Variants in MYO5B observed in about 807,000 individuals in gnomAD.
MYO5B encodes the protein myosin VB.
MYO5B carries 143 observed loss-of-function variants against 229.3 expected under a neutral mutation model. The observed-to-expected ratio is 0.62, with a 90% confidence interval of 0.54 to 0.72. The LOEUF (loss-of-function observed/expected upper bound fraction) is 0.72. Among genes scored for constraint, MYO5B ranks in the 30% least tolerant of loss-of-function variants. The probability of loss-of-function intolerance (pLI) is 0.00; values close to 1 mark genes in which losing one functional copy is unlikely to be tolerated. For missense variants in MYO5B, 2,321 were observed against 2,331.0 expected (o/e 1.00, Z 0.09); for synonymous variants, 918 against 885.2 (o/e 1.04, Z -0.66).
chr18:49,994,790 T>C (rs10853589), intron 5 of MYO5B, among the ~76,000 whole-genome samples: 142,251 of 152,300 alleles, frequency 0.93, 66,464 homozygotes, highest in East Asian at 0.99. Flanking sequence ...CCCCACAGGA[T>C]GATGGCAGAC....
chr18:49,954,242 G>T, intron 13 of MYO5B, 71 bp downstream of exon 13: 1 of 1,595,074 alleles, frequency 6.3e-7, no homozygotes, highest in South Asian at 1.1e-5. Context: ...TTTCTCTCTA[G>T]GTCTAGAGCC....
At chr18:50,117,275 T>A (rs1419977994) in intron 1 of MYO5B, among the ~76,000 whole-genome samples, 18 of 147,992 alleles carry the variant, frequency 1.2e-4, no homozygotes, top group South Asian at 2.1e-4. Context: ...AATTCTCATT[T>A]AAAAAAAAAA....
intron 5 of MYO5B, 66 bp from the exon 6 acceptor site, chr18:49,992,497 G>A: frequency 6.2e-7 from 1 of 1,608,390 alleles, no homozygotes; most frequent in Non-Finnish European, 8.5e-7. Flanking sequence ...AGGATTGTAT[G>A]TTTGTGGCAG....
intron 1 of MYO5B, among the ~76,000 whole-genome samples, chr18:50,128,853 G>T (rs75359510): frequency 0.043 from 6,575 of 152,304 alleles, 170 homozygotes; most frequent in Non-Finnish European, 0.06. Flanking sequence ...TGAGAAGGGG[G>T]AAACCACCTT....
intron 1 of MYO5B, among the ~76,000 whole-genome samples, chr18:50,191,741 CAG>C (rs972398562): frequency 6.6e-6 from 1 of 152,128 alleles, no homozygotes; most frequent in African/African-American, 2.4e-5. Flanking sequence ...ACATGGATTT[CAG>C]AGTTTTCTGC....
intron 14 of MYO5B, among the ~76,000 whole-genome samples, chr18:49,952,949 T>G (rs2025445296): frequency 6.6e-6 from 1 of 151,960 alleles, no homozygotes. Flanking sequence ...CGTCCTCTCT[T>G]CCTGTCACCT....
chr18:49,906,311 G>T, intron 19 of MYO5B, 108 bp downstream of exon 19: 1 of 1,141,714 alleles, frequency 8.8e-7, no homozygotes, highest in Non-Finnish European at 1.3e-6. Context: ...GGCCCCAACA[G>T]GAACCACTCT....
rs922988104 is a variant in MYO5B, at chr18:50,195,032, G to A, written c.-239C>T. On this transcript the variant is annotated 5_prime_UTR_variant, in exon 1 of 40. Transcript: ENST00000285039. ...GGCCGGACAGGAGTTGCGAGCGCCGGGGGAGGAGGCCGCGCCGCACCACTC... is the reference window on the plus strand; with the variant it reads ...GGCCGGACAGGAGTTGCGAGCGCCGAGGGAGGAGGCCGCGCCGCACCACTC... 24 of 407,442 alleles carry A rather than the reference G, an allele frequency of 5.9e-5. No homozygotes were observed. Among genetic ancestry groups the A allele is most frequent in the Non-Finnish European group, 8.8e-5 (22 of 248,894 alleles). 25.2% of individuals were successfully genotyped at this position (407,442 alleles called of 1,614,324 possible).
At chr18:50,148,260 G>C (rs1302986036) in intron 1 of MYO5B, among the ~76,000 whole-genome samples, 1 of 149,640 alleles carries the variant, frequency 6.7e-6, no homozygotes, top group African/African-American at 2.5e-5. Flanking sequence ...GAGGTACAAG[G>C]AGGAACTGGT....
At chr18:49,948,286 T>C (rs555843239) in intron 14 of MYO5B, among the ~76,000 whole-genome samples, 323 of 152,370 alleles carry the variant, frequency 2.1e-3, no homozygotes, top group African/African-American at 7.4e-3. Context: ...CATTTTTCCT[T>C]TCAATCAATT....
At chr18:50,121,261 T>C (rs1337307272) in intron 1 of MYO5B, among the ~76,000 whole-genome samples, 2 of 152,190 alleles carry the variant, frequency 1.3e-5, no homozygotes, top group Non-Finnish European at 2.9e-5. Context: ...CTGTCCCTTC[T>C]AGATTATAAG....
At chr18:49,929,444 C>G in intron 17 of MYO5B, 68 bp downstream of exon 17, 1 of 1,337,254 alleles carries the variant, frequency 7.5e-7, no homozygotes, top group Non-Finnish European at 1.0e-6. Flanking sequence ...ACAGAGGGCT[C>G]CCTGGGGAAC....
chr18:49,853,362 G>T (rs2024223761), intron 31 of MYO5B, 87 bp downstream of exon 31: 1 of 1,346,362 alleles, frequency 7.4e-7, no homozygotes. Context: ...CATGAACCTT[G>T]TCAGTTTTGC....
chr18:49,940,530 T>C (rs1037731383), intron 14 of MYO5B, among the ~76,000 whole-genome samples: 1 of 152,214 alleles, frequency 6.6e-6, no homozygotes, highest in Non-Finnish European at 1.5e-5. Context: ...TCTTGCAACC[T>C]GACCTCACTT....
At chr18:49,920,822 G>A (rs1314088872) in intron 17 of MYO5B, among the ~76,000 whole-genome samples, 1 of 152,206 alleles carries the variant, frequency 6.6e-6, no homozygotes, top group Non-Finnish European at 1.5e-5. Context: ...ATAGGTCTGA[G>A]GGGGCCCAGC....
chr18:50,045,480 G>T (rs1189282019), intron 2 of MYO5B, among the ~76,000 whole-genome samples: 1 of 152,074 alleles, frequency 6.6e-6, no homozygotes, highest in Admixed American at 6.6e-5. Context: ...TGCAATCTCC[G>T]CCTCCTGAGC....
chr18:50,046,944 T>C (rs1363974468), intron 2 of MYO5B, among the ~76,000 whole-genome samples: 7 of 152,124 alleles, frequency 4.6e-5, no homozygotes, highest in African/African-American at 1.7e-4. Context: ...TCATTCAAGA[T>C]GGATTAAAGA....
At chr18:50,090,351 A>AAAAAG (rs958344633) in intron 1 of MYO5B, among the ~76,000 whole-genome samples, 3 of 151,570 alleles carry the variant, frequency 2.0e-5, no homozygotes, top group African/African-American at 7.3e-5. Context: ...AAAAAAAAAA[A>AAAAAG]AAAATTCCCT....
intron 1 of MYO5B, among the ~76,000 whole-genome samples, chr18:50,152,977 A>G (rs1159601531): frequency 6.6e-6 from 1 of 151,834 alleles, no homozygotes; most frequent in Non-Finnish European, 1.5e-5. Flanking sequence ...ACTAGAATTT[A>G]TTTTCCTTGT....
Sources: gnomAD v4.1 joint callset for allele counts (sites outside exome capture counted in the v4.1 genomes callset) on GRCh38, gnomAD v4.1.1 for gene constraint, MANE v1.5 for transcripts, NCBI Gene and HGNC (gene_info 2026-07-23, HGNC 2026-07-21) for gene names.